Variants in JAK1 observed in about 807,000 individuals in gnomAD.
The protein encoded by JAK1 is tyrosine-protein kinase JAK1.
JAK1 carries 16 observed loss-of-function variants against 136.6 expected under a neutral mutation model. That is an observed-to-expected ratio of 0.12 (90% CI 0.08 to 0.18). The LOEUF (loss-of-function observed/expected upper bound fraction) is 0.18. Among genes scored for constraint, JAK1 ranks in the 10% least tolerant of loss-of-function variants. The pLI, the probability that JAK1 is intolerant of heterozygous loss-of-function variation, is 1.00. For synonymous variants in JAK1, 492 were observed against 519.5 expected (o/e 0.95, Z 0.72); for missense variants, 859 against 1,450.1 (o/e 0.59, Z 6.62).
rs115628396 is a variant in JAK1, at chr1:64,837,379, G to A, written c.3140+553C>T. ...GTTATGTGGTTACGTGGCAGGGTGC[G>A]GTAGAGATGTAAGCAGCCTCTCCCC... On this transcript the variant is annotated intron_variant, in intron 22 of 24. Transcript: ENST00000342505. 2.9e-3 allele frequency among the ~76,000 whole-genome samples: 443 copies of A among 152,266 alleles called. 4 individuals are homozygous for A. The highest frequency in any genetic ancestry group is 0.01 in the African/African-American group (421 of 41,552).
chr1:64,955,977 C>T (rs1257290045), intron 1 of JAK1, among the ~76,000 whole-genome samples: 17 of 152,072 alleles, frequency 1.1e-4, no homozygotes, highest in Non-Finnish European at 4.4e-5. Flanking sequence ...AATAAGCTGA[C>T]GCATTTTTAA....
At chr1:64,954,157 G>T (rs576560900) in intron 1 of JAK1, among the ~76,000 whole-genome samples, 4 of 152,288 alleles carry the variant, frequency 2.6e-5, no homozygotes, top group South Asian at 4.2e-4. Context: ...GACAATCCAG[G>T]AGAAAAAGTC....
chr1:64,918,143 G>A (rs1299002871), intron 1 of JAK1, among the ~76,000 whole-genome samples: 1 of 152,206 alleles, frequency 6.6e-6, no homozygotes, highest in Non-Finnish European at 1.5e-5. Flanking sequence ...TCTGAGGGAA[G>A]TGCAGTGGAG....
At chr1:64,941,295 T>C (rs1218296234) in intron 1 of JAK1, among the ~76,000 whole-genome samples, 2 of 152,208 alleles carry the variant, frequency 1.3e-5, no homozygotes, top group Non-Finnish European at 2.9e-5. Context: ...GAATTTATTG[T>C]AACTTGCATC....
chr1:64,911,079 A>T (rs1443075309), intron 1 of JAK1, among the ~76,000 whole-genome samples: 1 of 58,000 alleles, frequency 1.7e-5, no homozygotes, highest in Non-Finnish European at 4.2e-5. Flanking sequence ...AAAATTATTC[A>T]GGAGTGAAAA....
intron 1 of JAK1, among the ~76,000 whole-genome samples, chr1:64,948,072 T>C (rs1646019695): frequency 6.6e-6 from 1 of 152,186 alleles, no homozygotes; most frequent in South Asian, 2.1e-4. Flanking sequence ...AGGAGGGTAA[T>C]ACATAGAGAT....
chr1:64,917,162 C>T (rs55882186), intron 1 of JAK1, among the ~76,000 whole-genome samples: 21,015 of 152,062 alleles, frequency 0.14, 1,619 homozygotes, highest in East Asian at 0.28. Flanking sequence ...AAACAGGCTA[C>T]ATTCAAAAGA....
At chr1:64,838,933 C>G (rs949857224) in intron 20 of JAK1, among the ~76,000 whole-genome samples, 4 of 151,734 alleles carry the variant, frequency 2.6e-5, no homozygotes, top group Non-Finnish European at 5.9e-5. Context: ...ATCACGAGGT[C>G]AGGAGATCGA....
intron 2 of JAK1, among the ~76,000 whole-genome samples, chr1:65,005,969 A>C (rs1646800746): frequency 6.6e-6 from 1 of 152,236 alleles, no homozygotes; most frequent in African/African-American, 2.4e-5. Context: ...GTGAACTCTC[A>C]TGCTCAGACA....
chr1:64,921,479 T>C (rs1203427882), intron 1 of JAK1, among the ~76,000 whole-genome samples: 1 of 152,124 alleles, frequency 6.6e-6, no homozygotes, highest in Non-Finnish European at 1.5e-5. Context: ...TTAACTTAAC[T>C]GATTTCCAGT....
intron 2 of JAK1, among the ~76,000 whole-genome samples, chr1:65,012,628 A>C (rs1263102413): frequency 2.0e-5 from 3 of 152,028 alleles, no homozygotes; most frequent in Non-Finnish European, 4.4e-5. Context: ...AAAGTACAAA[A>C]GAAAATTCAC....
intron 8 of JAK1, among the ~76,000 whole-genome samples, chr1:64,862,543 C>T (rs1216768039): frequency 6.6e-6 from 1 of 152,268 alleles, no homozygotes; most frequent in Non-Finnish European, 1.5e-5. Flanking sequence ...CTCCACAGCA[C>T]TGTGGCTTGG....
intron 1 of JAK1, among the ~76,000 whole-genome samples, chr1:64,943,330 C>A (rs556259114): frequency 6.6e-6 from 1 of 152,304 alleles, no homozygotes; most frequent in South Asian, 2.1e-4. Context: ...GTTAGACCAC[C>A]TCTTCAATGT....
intron 4 of JAK1, among the ~76,000 whole-genome samples, chr1:64,874,807 G>A (rs1170043400): frequency 6.6e-6 from 1 of 152,178 alleles, no homozygotes; most frequent in East Asian, 1.9e-4. Flanking sequence ...AACTGTCACT[G>A]TGCTATGTTT....
chr1:64,876,828 G>C (rs1165262301), intron 4 of JAK1, among the ~76,000 whole-genome samples: 2 of 152,106 alleles, frequency 1.3e-5, no homozygotes, highest in African/African-American at 2.4e-5. Flanking sequence ...AGAAAAAAAA[G>C]ACAAATAGAC....
intron 1 of JAK1, among the ~76,000 whole-genome samples, chr1:64,915,813 G>A (rs1645384992): frequency 6.6e-6 from 1 of 152,214 alleles, no homozygotes; most frequent in Non-Finnish European, 1.5e-5. Context: ...TGTAACTAGA[G>A]ATGTCAGGTG....
intron 1 of JAK1, among the ~76,000 whole-genome samples, chr1:64,935,443 G>A (rs965081320): frequency 6.6e-6 from 1 of 152,182 alleles, no homozygotes; most frequent in Admixed American, 6.5e-5. Flanking sequence ...GGGATTACAG[G>A]CGTGTGCCAC....
intron 1 of JAK1, among the ~76,000 whole-genome samples, chr1:64,941,732 A>G (rs1297475482): frequency 6.6e-6 from 1 of 152,224 alleles, no homozygotes; most frequent in African/African-American, 2.4e-5. Flanking sequence ...GTCAACTACT[A>G]TCAGATTTTC....
chr1:64,932,304 T>C (rs1259546620), intron 1 of JAK1, among the ~76,000 whole-genome samples: 1 of 152,052 alleles, frequency 6.6e-6, no homozygotes, highest in East Asian at 1.9e-4. Flanking sequence ...TCCCAGCTAC[T>C]TGGGAGGCTG....
Sources: allele counts gnomAD v4.1 joint callset (sites outside exome capture counted in the v4.1 genomes callset), GRCh38; gene constraint gnomAD v4.1.1; transcripts MANE v1.5; gene names NCBI Gene and HGNC (gene_info 2026-07-23, HGNC 2026-07-21).